The following PDIA5 variants were observed in gnomAD, a reference collection of about 807,000 sequenced individuals.
PDIA5 encodes the protein protein disulfide isomerase family A member 5.
A neutral mutation model predicts 77.6 loss-of-function variants in PDIA5; 58 were observed. The ratio of observed to expected loss-of-function variants is 0.75; its 90% CI spans 0.61 to 0.93. The LOEUF (loss-of-function observed/expected upper bound fraction) is 0.93, where lower values mean the gene tolerates loss of function less well. Among genes scored for constraint, PDIA5 ranks in the 40% least tolerant of loss-of-function variants. The pLI is 0.00. For synonymous variants in PDIA5, 250 were observed against 252.1 expected (o/e 0.99, Z 0.08); for missense variants, 630 against 647.7 (o/e 0.97, Z 0.30).
intron 15 of PDIA5, among the ~76,000 whole-genome samples, chr3:123,158,354 G>A (rs554111318): frequency 4.6e-5 from 7 of 152,224 alleles, no homozygotes; most frequent in African/African-American, 1.7e-4. Flanking sequence ...AGTGAGAATC[G>A]CAAACAGGCA....
chr3:123,083,677 A>G (rs1447815399), intron 1 of PDIA5, among the ~76,000 whole-genome samples: 1 of 152,196 alleles, frequency 6.6e-6, no homozygotes, highest in Non-Finnish European at 1.5e-5. Flanking sequence ...CAAGGGCTTG[A>G]CAAAGGAACA....
intron 15 of PDIA5, among the ~76,000 whole-genome samples, chr3:123,160,461 G>A (rs952974329): frequency 9.2e-5 from 14 of 152,194 alleles, no homozygotes; most frequent in African/African-American, 3.1e-4. Context: ...GGCTCCTCCA[G>A]TTTCCAGATG....
Position 123,155,006 on chromosome 3 carries a change from A to T in PDIA5, c.1309A>T (p.Thr437Ser). 2 of 1,612,792 alleles carry T rather than the reference A, an allele frequency of 1.2e-6. No individual in the cohort carries two copies. Among genetic ancestry groups the T allele is most frequent in the Non-Finnish European group, 1.7e-6 (2 of 1,178,754 alleles). The change falls in exon 15 of 17, where the codon ACT becomes TCT. Residue 437 changes from threonine to serine, a missense_variant. Coordinates refer to ENST00000316218, the MANE Select transcript of PDIA5 (RefSeq NM_006810.4). ...PHCKKVIPHFTATADAFKDDR... is the reference protein window; with the variant it reads ...PHCKKVIPHFSATADAFKDDR... Reference sequence around the variant, plus strand: ...CTGTAAGAAGGTCATTCCGCACTTTACTGCTACTGCTGATGCCTTCAAAGA... The same window carrying T: ...CTGTAAGAAGGTCATTCCGCACTTTTCTGCTACTGCTGATGCCTTCAAAGA...
intron 5 of PDIA5, among the ~76,000 whole-genome samples, chr3:123,105,207 G>A (rs147321358): frequency 1.5e-3 from 236 of 152,292 alleles, no homozygotes; most frequent in Admixed American, 7.6e-3. Context: ...CCCTGAAAGC[G>A]TGTGTGCATA....
At chr3:123,106,320 G>A (rs1934731927) in intron 5 of PDIA5, among the ~76,000 whole-genome samples, 1 of 152,244 alleles carries the variant, frequency 6.6e-6, no homozygotes, top group African/African-American at 2.4e-5. Flanking sequence ...CAGGAATGTG[G>A]AAATGTCTCC....
At chr3:123,112,995 T>G (rs1212663545) in intron 7 of PDIA5, among the ~76,000 whole-genome samples, 2 of 152,216 alleles carry the variant, frequency 1.3e-5, no homozygotes, top group Admixed American at 6.5e-5. Context: ...AGCTCTGCCC[T>G]GAATGGTAGC....
chr3:123,150,760 C>T (rs1054946700), intron 14 of PDIA5, among the ~76,000 whole-genome samples: 1 of 152,040 alleles, frequency 6.6e-6, no homozygotes, highest in African/African-American at 2.4e-5. Flanking sequence ...ACCCCCTCTC[C>T]CTGCCCTTCC....
At chr3:123,095,926 C>T (rs1400685298) in intron 3 of PDIA5, among the ~76,000 whole-genome samples, 1 of 152,066 alleles carries the variant, frequency 6.6e-6, no homozygotes, top group Non-Finnish European at 1.5e-5. Flanking sequence ...GTTGAGTCTT[C>T]CAAGTTGCTC....
At chr3:123,077,088 G>A (rs992759644) in intron 1 of PDIA5, among the ~76,000 whole-genome samples, 3 of 152,210 alleles carry the variant, frequency 2.0e-5, no homozygotes, top group Non-Finnish European at 4.4e-5. Flanking sequence ...ATTTACAGCA[G>A]CAGGCAGTAA....
intron 1 of PDIA5, among the ~76,000 whole-genome samples, chr3:123,088,849 C>T (rs1014902802): frequency 2.6e-5 from 4 of 152,050 alleles, no homozygotes; most frequent in Non-Finnish European, 4.4e-5. Flanking sequence ...ACTGTTATCC[C>T]GTTATTTTTT....
intron 5 of PDIA5, among the ~76,000 whole-genome samples, chr3:123,103,270 T>A (rs1401583076): frequency 6.6e-6 from 1 of 152,204 alleles, no homozygotes; most frequent in Non-Finnish European, 1.5e-5. Context: ...TAGAAGTAGA[T>A]GGAAAAGCAT....
chr3:123,141,616 G>A (rs569540193), intron 11 of PDIA5, among the ~76,000 whole-genome samples: 4 of 152,354 alleles, frequency 2.6e-5, no homozygotes, highest in East Asian at 1.9e-4. Flanking sequence ...AGAGTGGGGG[G>A]CTCACCTTGG....
intron 13 of PDIA5, among the ~76,000 whole-genome samples, chr3:123,149,285 C>T (rs1935832196): frequency 6.6e-6 from 1 of 152,230 alleles, no homozygotes; most frequent in Non-Finnish European, 1.5e-5. Context: ...TTAAGTTCTT[C>T]TCAGCCATGG....
intron 1 of PDIA5, among the ~76,000 whole-genome samples, chr3:123,068,393 C>A (rs1188236569): frequency 6.6e-6 from 1 of 152,170 alleles, no homozygotes; most frequent in Non-Finnish European, 1.5e-5. Context: ...GGGAAAGAAG[C>A]CCCCTGTTCT....
intron 3 of PDIA5, among the ~76,000 whole-genome samples, chr3:123,101,476 A>G (rs1232130616): frequency 6.6e-6 from 1 of 152,186 alleles, no homozygotes; most frequent in Non-Finnish European, 1.5e-5. Context: ...AGAGAGTGTA[A>G]TATCCCAGAT....
intron 1 of PDIA5, 69 bp downstream of exon 1, chr3:123,067,275 G>A: frequency 8.5e-7 from 1 of 1,179,892 alleles, no homozygotes; most frequent in Middle Eastern, 3.0e-4. Flanking sequence ...TGCGCTCTCT[G>A]CTCCAGCCCT....
intron 1 of PDIA5, among the ~76,000 whole-genome samples, chr3:123,081,102 G>A (rs907792079): frequency 6.6e-6 from 1 of 152,168 alleles, no homozygotes; most frequent in African/African-American, 2.4e-5. Flanking sequence ...TTGCTGCAAG[G>A]GAGACTGAGA....
intron 3 of PDIA5, among the ~76,000 whole-genome samples, chr3:123,098,560 TGGGTGTGG>T (rs906804491): frequency 6.6e-6 from 1 of 152,156 alleles, no homozygotes; most frequent in African/African-American, 2.4e-5. Flanking sequence ...TGTGTCTGTC[TGGGTGTGG>T]GGGTGTGGGG....
At chr3:123,082,882 G>A (rs1271346600) in intron 1 of PDIA5, among the ~76,000 whole-genome samples, 1 of 152,064 alleles carries the variant, frequency 6.6e-6, no homozygotes, top group Non-Finnish European at 1.5e-5. Flanking sequence ...TGCTATAAAT[G>A]GTGGCACCTG....
Sources: gnomAD v4.1 joint callset for allele counts (sites outside exome capture counted in the v4.1 genomes callset) on GRCh38, gnomAD v4.1.1 for gene constraint, MANE v1.5 for transcripts, NCBI Gene and HGNC (gene_info 2026-07-23, HGNC 2026-07-21) for gene names.